The following AGBL1 variants were observed in gnomAD, a reference collection of about 807,000 sequenced individuals.
The protein encoded by AGBL1 is cytosolic carboxypeptidase 4.
AGBL1 carries 130 observed loss-of-function variants against 118.9 expected under a neutral mutation model. That is an observed-to-expected ratio of 1.09 (90% CI 0.95 to 1.26). The LOEUF (loss-of-function observed/expected upper bound fraction) is 1.26, where lower values mean the gene tolerates loss of function less well. Among genes scored for constraint, AGBL1 ranks in the 50% most tolerant of loss-of-function variants. The pLI is 0.00. For missense variants in AGBL1, 1,584 were observed against 1,298.1 expected (o/e 1.22, Z -3.38); for synonymous variants, 555 against 478.9 (o/e 1.16, Z -2.08).
chr15:86,944,266 C>T (rs1225766635), intron 23 of AGBL1, among the ~76,000 whole-genome samples: 9 of 152,048 alleles, frequency 5.9e-5, no homozygotes, highest in Admixed American at 5.9e-4. Context: ...GCTACTTCAG[C>T]TACTTGGGAG....
intron 22 of AGBL1, among the ~76,000 whole-genome samples, chr15:86,709,773 T>G (rs2086521137): frequency 6.6e-6 from 1 of 152,174 alleles, no homozygotes; most frequent in South Asian, 2.1e-4. Flanking sequence ...ACTTTGTCCT[T>G]TTGTCCTCCC....
chr15:86,945,960 A>G (rs1246590006), intron 23 of AGBL1, among the ~76,000 whole-genome samples: 1 of 152,188 alleles, frequency 6.6e-6, no homozygotes, highest in Non-Finnish European at 1.5e-5. Flanking sequence ...GCGTTATCTG[A>G]TTTCATCTAC....
At chr15:86,535,787 A>G (rs115873396) in intron 19 of AGBL1, among the ~76,000 whole-genome samples, 3,413 of 152,332 alleles carry the variant, frequency 0.022, 67 homozygotes, top group Middle Eastern at 0.075. Context: ...AAGGAGATGA[A>G]AAAAAGGATG....
rs762332242 is a variant in AGBL1 at position 86,266,474 on chromosome 15, A to T, written c.1751+17A>T. ...TGAGCCTTGGTAGGTAGTCTCGTGCATCTGAGGAAGGTGGGGCATGGAGAA... is the reference window on the plus strand; with the variant it reads ...TGAGCCTTGGTAGGTAGTCTCGTGCTTCTGAGGAAGGTGGGGCATGGAGAA... On this transcript the variant is annotated intron_variant, in intron 12 of 22. Coordinates refer to ENST00000614907, the MANE Select transcript of AGBL1 (RefSeq NM_001386094.1). 6.5e-7 allele frequency: 1 copy of T among 1,539,472 alleles called. No individual in the cohort carries two copies. The highest frequency in any genetic ancestry group is 8.8e-7 in the Non-Finnish European group (1 of 1,134,138).
intron 22 of AGBL1, among the ~76,000 whole-genome samples, chr15:86,701,774 C>G (rs1410922786): frequency 6.7e-6 from 1 of 148,446 alleles, no homozygotes; most frequent in African/African-American, 2.5e-5. Context: ...TCCTTTCACT[C>G]CTCTCCCCTC....
At chr15:86,545,827 T>C (rs1170586743) in intron 19 of AGBL1, among the ~76,000 whole-genome samples, 175 bp from the exon 20 acceptor site, 1 of 152,174 alleles carries the variant, frequency 6.6e-6, no homozygotes, top group Admixed American at 6.5e-5. Context: ...ATGCCACTCT[T>C]GCCAAAGACA....
intron 17 of AGBL1, among the ~76,000 whole-genome samples, chr15:86,357,900 CAAAT>C (rs1308120107): frequency 6.6e-6 from 1 of 152,004 alleles, no homozygotes; most frequent in Non-Finnish European, 1.5e-5. Flanking sequence ...GTATACCTGA[CAAAT>C]AAAAATTCTA....
At position 86,215,217 on chromosome 15, in the gene AGBL1, A is replaced by ATGTGTGTGTGTG. The variant is rs1360213607; in HGVS notation, c.489-9694_489-9693insGTGTGTGTGTGT. On this transcript the variant is annotated intron_variant, in intron 5 of 22. Transcript: ENST00000614907. ...GCTCTGTGTGTGTGTGTGAGTGTAT[A>ATGTGTGTGTGTG]TGTATGCGTGTGTGTGTGTGTGTGT... Among the ~76,000 whole-genome samples, 570 of 128,236 alleles carry ATGTGTGTGTGTG rather than the reference A, an allele frequency of 4.4e-3. 6 individuals are homozygous for ATGTGTGTGTGTG. The highest frequency in any genetic ancestry group is 0.019 in the South Asian group (63 of 3,276). The allele number at this position is 128,236 out of a possible 152,430, so 84.1% of individuals were successfully genotyped here. A position where few individuals can be genotyped will look rare whatever the true frequency, so the allele number is the denominator to read the frequency against.
At chr15:87,028,944 CT>C in exon 25 of AGBL1, 1 of 1,328,082 alleles carries the variant, frequency 7.5e-7, no homozygotes, top group Non-Finnish European at 1.1e-6. Context: ...TTGTACATGT[CT>C]TATGGAAAAT....
chr15:86,574,899 G>A (rs2084064741), intron 21 of AGBL1, among the ~76,000 whole-genome samples: 2 of 151,728 alleles, frequency 1.3e-5, no homozygotes, highest in African/African-American at 4.8e-5. Context: ...AATTATAAAA[G>A]TGATTGCATG....
intron 22 of AGBL1, among the ~76,000 whole-genome samples, chr15:86,849,070 T>A (rs1184700680): frequency 6.6e-6 from 1 of 152,174 alleles, no homozygotes; most frequent in African/African-American, 2.4e-5. Context: ...TGATTGAATA[T>A]GCAGGGCTAC....
chr15:86,505,399 TA>T (rs766749331), intron 18 of AGBL1, among the ~76,000 whole-genome samples: 9 of 151,850 alleles, frequency 5.9e-5, no homozygotes, highest in Non-Finnish European at 1.3e-4. Flanking sequence ...GAACTCCTAT[TA>T]GATGTATGTT....
At chr15:86,970,731 G>T (rs967445776) in intron 23 of AGBL1, among the ~76,000 whole-genome samples, 3 of 151,908 alleles carry the variant, frequency 2.0e-5, no homozygotes, top group Non-Finnish European at 2.9e-5. Flanking sequence ...ACCACATTCA[G>T]TTTCCATATG....
rs1363203106 is a variant in AGBL1 at position 86,828,867 on chromosome 15, A to G, written c.3159-78220A>G. Among the ~76,000 whole-genome samples the G allele has an allele frequency of 2.0e-5, 3 of 150,274 alleles. No homozygotes were observed. The Admixed American group carries it at 2.0e-4, about 10-fold the overall frequency. ...CACCAAGGCTGTGATAAAGTTTAAA[A>G]TTACATATACAGTCATATATAATTC... On this transcript the variant is annotated intron_variant, in intron 22 of 22. Coordinates refer to ENST00000614907, the MANE Select transcript of AGBL1 (RefSeq NM_001386094.1).
At chr15:86,882,021 G>A (rs1307561890) in intron 22 of AGBL1, among the ~76,000 whole-genome samples, 1 of 152,128 alleles carries the variant, frequency 6.6e-6, no homozygotes, top group Admixed American at 6.6e-5. Context: ...GGACACAAAT[G>A]CAAACCATAT....
At chr15:86,542,161 C>T (rs549522896) in intron 19 of AGBL1, among the ~76,000 whole-genome samples, 1 of 152,248 alleles carries the variant, frequency 6.6e-6, no homozygotes, top group Admixed American at 6.5e-5. Flanking sequence ...CAGAGCTTTG[C>T]TGGCATAATG....
intron 17 of AGBL1, among the ~76,000 whole-genome samples, chr15:86,363,208 TTG>T (rs2080832690): frequency 6.6e-6 from 1 of 152,080 alleles, no homozygotes; most frequent in Non-Finnish European, 1.5e-5. Context: ...AAAGGCACTT[TTG>T]TCTGCGGGGA....
chr15:86,679,393 T>C (rs1335066990), intron 22 of AGBL1, among the ~76,000 whole-genome samples: 1 of 152,072 alleles, frequency 6.6e-6, no homozygotes, highest in Non-Finnish European at 1.5e-5. Context: ...GTGCTTGTTT[T>C]AGTTATATAG....
At position 86,351,576 on chromosome 15, in the gene AGBL1, A is replaced by T. The variant is rs561202057; in HGVS notation, c.2375-45790A>T. 1.6e-4 allele frequency among the ~76,000 whole-genome samples: 24 copies of T among 152,282 alleles called. No homozygotes were observed. The East Asian group carries it at 4.1e-3, about 26-fold the overall frequency. On this transcript the variant is annotated intron_variant, in intron 17 of 22. Transcript: ENST00000614907. ...TGAAGGCCACTCCTTTGCACACGTGATGCTATAAGTCTTGCCTTTGGAAGA... is the reference window on the plus strand; with the variant it reads ...TGAAGGCCACTCCTTTGCACACGTGTTGCTATAAGTCTTGCCTTTGGAAGA...
Sources: allele counts gnomAD v4.1 joint callset (sites outside exome capture counted in the v4.1 genomes callset), GRCh38; gene constraint gnomAD v4.1.1; transcripts MANE v1.5; gene names NCBI Gene and HGNC (gene_info 2026-07-23, HGNC 2026-07-21).